DNAJC1: variants seen among roughly 807,000 people sequenced by gnomAD.
DNAJC1 encodes DnaJ heat shock protein family (Hsp40) member C1, also known as dnaJ homolog subfamily C member 1.
A neutral mutation model predicts 76.6 loss-of-function variants in DNAJC1; 58 were observed. That is an observed-to-expected ratio of 0.76 (90% confidence interval 0.61 to 0.94). The LOEUF (loss-of-function observed/expected upper bound fraction) is 0.94. Ranked by LOEUF, DNAJC1 falls within the 40% of genes least tolerant of loss-of-function variation. DNAJC1 has a pLI of 0.00. For synonymous variants in DNAJC1, 258 were observed against 267.9 expected, an observed-to-expected ratio of 0.96 and a Z score of 0.36; for missense variants, 689 against 677.3, an observed-to-expected ratio of 1.02 and a Z score of -0.19.
rs528857799 is a variant in DNAJC1 at position 21,802,247 on chromosome 10, G to A, written c.1098+3733C>T. Among the ~76,000 whole-genome samples the A allele has an allele frequency of 1.8e-4, 27 of 152,216 alleles. No individual in the cohort carries two copies. The East Asian group carries it at 2.1e-3, about 12-fold the overall frequency. On this transcript the variant is annotated intron_variant, in intron 9 of 11. Transcript: ENST00000376980. ...AAACTGGTACAGCGGCAGTGAGGAC[G>A]AAGGCAGAAAAACCAAAAGGACAGT...
In DNAJC1 at chr10:21,783,380, T is replaced by C. The variant is rs534994629; in HGVS notation, c.1099-17071A>G. 2.5e-3 allele frequency among the ~76,000 whole-genome samples: 375 copies of C among 152,164 alleles called. 1 individual carries two copies. The highest frequency in any genetic ancestry group is 8.8e-3 in the African/African-American group (367 of 41,516). On this transcript the variant is annotated intron_variant, in intron 9 of 11. Transcript: ENST00000376980. ...GACCTCTTCAAGGAGAACTACAAACTACTGCTCAGCAAAATAAAAGAGGAC... is the reference window on the plus strand; with the variant it reads ...GACCTCTTCAAGGAGAACTACAAACCACTGCTCAGCAAAATAAAAGAGGAC...
Position 21,771,522 on chromosome 10 carries a change from G to A in DNAJC1, c.1099-5213C>T, listed in dbSNP as rs1031589489. On this transcript the variant is annotated intron_variant, in intron 9 of 11. Transcript: ENST00000376980. ...TCAAACACTTTTTTTTTTTTGAGAC[G>A]CAGTCTCGCTCTGTTGCCCAGGCTG... 3.3e-5 allele frequency among the ~76,000 whole-genome samples: 5 copies of A among 151,386 alleles called. No individual in the cohort carries two copies. In the East Asian group the frequency reaches 5.8e-4, roughly 18 times the overall value.
chr10:21,822,485 A>G (rs1333676806), intron 8 of DNAJC1, among the ~76,000 whole-genome samples: 2 of 151,646 alleles, frequency 1.3e-5, no homozygotes, highest in Non-Finnish European at 2.9e-5. Context: ...AAATAAATAA[A>G]TAAATACATG....
At chr10:21,967,024 T>C (rs1422979415) in intron 1 of DNAJC1, among the ~76,000 whole-genome samples, 1 of 151,102 alleles carries the variant, frequency 6.6e-6, no homozygotes, top group Non-Finnish European at 1.5e-5. Flanking sequence ...CTTTTTTTTT[T>C]TTTTTTACAG....
At chr10:21,836,917 G>A (rs895622891) in intron 8 of DNAJC1, among the ~76,000 whole-genome samples, 8 of 151,998 alleles carry the variant, frequency 5.3e-5, no homozygotes, top group Non-Finnish European at 7.4e-5. Context: ...GTCTCTCCAC[G>A]GTCTTCCTCT....
intron 9 of DNAJC1, among the ~76,000 whole-genome samples, chr10:21,777,890 T>TA (rs761085349): frequency 2.6e-5 from 4 of 152,214 alleles, no homozygotes; most frequent in Non-Finnish European, 4.4e-5. Flanking sequence ...AACTACCTTG[T>TA]AAAATTGATA....
chr10:21,788,239 C>T (rs903299552), intron 9 of DNAJC1, among the ~76,000 whole-genome samples: 3 of 152,352 alleles, frequency 2.0e-5, no homozygotes, highest in South Asian at 2.1e-4. Flanking sequence ...TGGAACTGTG[C>T]ACTGCCTCCG....
intron 8 of DNAJC1, among the ~76,000 whole-genome samples, chr10:21,863,666 C>A (rs1303987311): frequency 1.3e-5 from 2 of 152,012 alleles, no homozygotes; most frequent in Non-Finnish European, 2.9e-5. Flanking sequence ...GAAGTTTATT[C>A]CAGGAATTCA....
chr10:21,870,271 T>A (rs550648277), intron 8 of DNAJC1, among the ~76,000 whole-genome samples: 1 of 152,118 alleles, frequency 6.6e-6, no homozygotes, highest in South Asian at 2.1e-4. Flanking sequence ...TAAATAAAAA[T>A]TTTTTAGCAA....
At chr10:21,863,629 A>G (rs1835951245) in intron 8 of DNAJC1, among the ~76,000 whole-genome samples, 2 of 152,154 alleles carry the variant, frequency 1.3e-5, no homozygotes, top group African/African-American at 4.8e-5. Context: ...CACAATATAT[A>G]AGAAGGCTAA....
chr10:21,938,976 C>T (rs1479846799), intron 1 of DNAJC1, among the ~76,000 whole-genome samples: 2 of 152,150 alleles, frequency 1.3e-5, no homozygotes, highest in Non-Finnish European at 2.9e-5. Context: ...CTGCAACCTC[C>T]GCCTCCCAGA....
intron 1 of DNAJC1, among the ~76,000 whole-genome samples, chr10:21,985,659 T>G (rs1838233664): frequency 6.6e-6 from 1 of 152,242 alleles, no homozygotes; most frequent in Non-Finnish European, 1.5e-5. Context: ...ATAATGTTCT[T>G]GGAATTCATC....
At chr10:21,985,376 A>G (rs1044908688) in intron 1 of DNAJC1, among the ~76,000 whole-genome samples, 1 of 151,618 alleles carries the variant, frequency 6.6e-6, no homozygotes, top group Non-Finnish European at 1.5e-5. Context: ...CAGCCTCCCG[A>G]GTAACTGGGA....
chr10:21,812,712 T>C (rs1041012251), intron 8 of DNAJC1, among the ~76,000 whole-genome samples: 1 of 152,164 alleles, frequency 6.6e-6, no homozygotes, highest in Middle Eastern at 3.2e-3. Flanking sequence ...CCACCACTCC[T>C]GGACCTTATA....
At chr10:21,777,935 C>T (rs1423761263) in intron 9 of DNAJC1, among the ~76,000 whole-genome samples, 2 of 152,202 alleles carry the variant, frequency 1.3e-5, no homozygotes, top group Non-Finnish European at 2.9e-5. Context: ...TGCCTGTAAT[C>T]CCAATAGTTT....
At chr10:21,913,778 G>A (rs1164132502) in intron 6 of DNAJC1, among the ~76,000 whole-genome samples, 1 of 152,152 alleles carries the variant, frequency 6.6e-6, no homozygotes, top group Non-Finnish European at 1.5e-5. Flanking sequence ...AGATGTCAAA[G>A]TGTCACGGGA....
rs193177352 is a variant in DNAJC1 at position 21,778,103 on chromosome 10, C to T, written c.1099-11794G>A. Among the ~76,000 whole-genome samples the T allele has an allele frequency of 2.3e-3, 345 of 152,218 alleles. 3 individuals carry two copies. Among genetic ancestry groups the T allele is most frequent in the African/African-American group, 7.9e-3 (327 of 41,524 alleles). Reference sequence around the variant, plus strand: ...ACTTGAGAGGCTGAAGCATGAGAATCGCTTGAACCCAGGAGGCAGAGGTTG... The same window carrying T: ...ACTTGAGAGGCTGAAGCATGAGAATTGCTTGAACCCAGGAGGCAGAGGTTG... On this transcript the variant is annotated intron_variant, in intron 9 of 11. Transcript: ENST00000376980.
chr10:21,781,555 A>C (rs949480308), intron 9 of DNAJC1, among the ~76,000 whole-genome samples: 13 of 151,964 alleles, frequency 8.6e-5, no homozygotes, highest in African/African-American at 2.9e-4. Flanking sequence ...CCCCGTCTCT[A>C]CTAAAAATAC....
At chr10:21,766,386 C>T in intron 9 of DNAJC1, 77 bp from the exon 10 acceptor site, 6 of 1,092,614 alleles carry the variant, frequency 5.5e-6, no homozygotes, top group South Asian at 1.3e-5. Flanking sequence ...TCCATGTAAG[C>T]TCCATGTGAA....
Sources: gnomAD v4.1 joint callset for allele counts (sites outside exome capture counted in the v4.1 genomes callset) on GRCh38, gnomAD v4.1.1 for gene constraint, MANE v1.5 for transcripts, NCBI Gene and HGNC (gene_info 2026-07-23, HGNC 2026-07-21) for gene names.